C1QTNF3: variants seen among roughly 807,000 people sequenced by gnomAD.
C1QTNF3 encodes C1q and TNF related 3.
In C1QTNF3, 26 loss-of-function variants were observed where a neutral mutation model predicts 32.6. The observed-to-expected ratio is 0.80, with a 90% confidence interval of 0.58 to 1.11. The LOEUF is 1.11. Ranked by LOEUF, C1QTNF3 falls within the 50% of genes least tolerant of loss-of-function variation. The pLI, the probability that C1QTNF3 is intolerant of heterozygous loss-of-function variation, is 0.00. For synonymous variants in C1QTNF3, 155 were observed against 146.0 expected (o/e 1.06, Z -0.44); for missense variants, 362 against 398.2 (o/e 0.91, Z 0.77).
chr5:34,212,046 C>T, the C1QTNF3 span, among the ~76,000 whole-genome samples: 1 of 151,930 alleles, frequency 6.6e-6, no homozygotes, highest in Non-Finnish European at 1.5e-5. Context: ...GTACTGGTAC[C>T]AAAACAGAGA....
chr5:34,042,417 G>A (rs556315028), intron 1 of C1QTNF3, among the ~76,000 whole-genome samples: 16 of 152,216 alleles, frequency 1.1e-4, no homozygotes, highest in South Asian at 4.2e-4. Flanking sequence ...TCTCCCTGCC[G>A]GAAGGGATGA....
the C1QTNF3 span, among the ~76,000 whole-genome samples, chr5:34,128,409 G>A: frequency 1.3e-5 from 2 of 152,218 alleles, no homozygotes; most frequent in African/African-American, 4.8e-5. Context: ...GCCTAGTGGA[G>A]CTGTGAGAAG....
chr5:34,144,403 CT>C, the C1QTNF3 span, among the ~76,000 whole-genome samples: 5 of 152,210 alleles, frequency 3.3e-5, no homozygotes, highest in Non-Finnish European at 5.9e-5. Context: ...TGACACTTGA[CT>C]TAAACTTGAC....
At chr5:34,112,689 A>C in the C1QTNF3 span, among the ~76,000 whole-genome samples, 1 of 152,118 alleles carries the variant, frequency 6.6e-6, no homozygotes, top group Non-Finnish European at 1.5e-5. Context: ...GACAAAAAAA[A>C]CCACATCACC....
the C1QTNF3 span, among the ~76,000 whole-genome samples, chr5:34,089,825 TATC>T: frequency 1.2e-3 from 178 of 152,358 alleles, no homozygotes; most frequent in Admixed American, 2.0e-3. Flanking sequence ...TTTTCTGTAT[TATC>T]ATGCCATCAC....
At chr5:34,242,226 T>C in the C1QTNF3 span, among the ~76,000 whole-genome samples, 1 of 151,914 alleles carries the variant, frequency 6.6e-6, no homozygotes, top group African/African-American at 2.4e-5. Flanking sequence ...TGAGCAAAAA[T>C]AATAAAGCCA....
the C1QTNF3 span, among the ~76,000 whole-genome samples, chr5:34,221,868 C>G: frequency 6.6e-6 from 1 of 151,942 alleles, no homozygotes; most frequent in East Asian, 1.9e-4. Context: ...GACTAGAGAC[C>G]TGTCACCAAG....
chr5:34,068,192 C>T, the C1QTNF3 span, among the ~76,000 whole-genome samples: 1 of 152,078 alleles, frequency 6.6e-6, no homozygotes, highest in Non-Finnish European at 1.5e-5. Flanking sequence ...TCTTCTGGTA[C>T]GTCTACTTGT....
At chr5:34,121,040 T>C in the C1QTNF3 span, among the ~76,000 whole-genome samples, 1 of 152,238 alleles carries the variant, frequency 6.6e-6, no homozygotes, top group African/African-American at 2.4e-5. Context: ...CAGAGATCAT[T>C]AAGAACATCT....
chr5:34,214,903 T>C, the C1QTNF3 span, among the ~76,000 whole-genome samples: 5 of 152,208 alleles, frequency 3.3e-5, no homozygotes, highest in African/African-American at 1.2e-4. Context: ...ATAAAAATTA[T>C]GTAATTTACT....
At chr5:34,115,394 C>T in the C1QTNF3 span, among the ~76,000 whole-genome samples, 1 of 152,058 alleles carries the variant, frequency 6.6e-6, no homozygotes, top group African/African-American at 2.4e-5. Flanking sequence ...GAAAACTGTG[C>T]TGCCTGAGGT....
chr5:34,155,763 T>C, the C1QTNF3 span, among the ~76,000 whole-genome samples: 1 of 152,158 alleles, frequency 6.6e-6, no homozygotes, highest in East Asian at 1.9e-4. Context: ...AAACTACAAA[T>C]CTTGACTGTT....
the C1QTNF3 span, among the ~76,000 whole-genome samples, chr5:34,215,815 T>G: frequency 1.3e-5 from 2 of 152,304 alleles, no homozygotes; most frequent in Admixed American, 1.3e-4. Context: ...AGAACATTTT[T>G]TTAGATGGGA....
chr5:34,098,426 A>G, the C1QTNF3 span, among the ~76,000 whole-genome samples: 1 of 152,154 alleles, frequency 6.6e-6, no homozygotes, highest in Non-Finnish European at 1.5e-5. Context: ...AATAATTTTC[A>G]TCGTTGACAC....
intron 4 of C1QTNF3, chr5:34,024,213 C>T (rs939647877): frequency 7.9e-6 from 4 of 506,042 alleles, no homozygotes; most frequent in African/African-American, 3.9e-5. Flanking sequence ...CTGTGTATCC[C>T]GAATAAGACT....
chr5:34,195,716 C>T, the C1QTNF3 span, among the ~76,000 whole-genome samples: 5 of 151,420 alleles, frequency 3.3e-5, no homozygotes, highest in Admixed American at 1.3e-4. Flanking sequence ...TGGCGGGCGC[C>T]TTAGTCCCAG....
the C1QTNF3 span, among the ~76,000 whole-genome samples, chr5:34,137,147 TAAAA>T: frequency 1.4e-5 from 2 of 142,208 alleles, no homozygotes; most frequent in African/African-American, 5.2e-5. Context: ...AAAGTATAAT[TAAAA>T]AAAAAAAAAA....
At chr5:34,164,897 A>G in the C1QTNF3 span, 6 of 151,862 alleles carry the variant, frequency 4.0e-5, no homozygotes, top group Non-Finnish European at 8.8e-5. Flanking sequence ...CCAGGTACTC[A>G]CTTCATAGTT....
chr5:34,033,494 A>G (rs370439434), intron 2 of C1QTNF3, 36 bp from the exon 3 acceptor site: 25 of 1,613,590 alleles, frequency 1.5e-5, no homozygotes, highest in Non-Finnish European at 2.1e-5. Flanking sequence ...GAGAAAACCC[A>G]GTCACTCATA....
Sources: gnomAD v4.1 joint callset for allele counts (sites outside exome capture counted in the v4.1 genomes callset) on GRCh38, gnomAD v4.1.1 for gene constraint, MANE v1.5 for transcripts, NCBI Gene and HGNC (gene_info 2026-07-23, HGNC 2026-07-21) for gene names.